Variants in SPECC1 observed in about 807,000 individuals in gnomAD.
The protein encoded by SPECC1 is sperm antigen with calponin homology and coiled-coil domains 1.
A neutral mutation model predicts 104.1 loss-of-function variants in SPECC1; 62 were observed. The observed-to-expected ratio is 0.60, with a 90% CI of 0.49 to 0.74. The LOEUF (loss-of-function observed/expected upper bound fraction) is 0.74, where lower values mean the gene tolerates loss of function less well. Among genes scored for constraint, SPECC1 ranks in the 30% least tolerant of loss-of-function variants. The probability of loss-of-function intolerance (pLI) is 0.00; values close to 1 mark genes in which losing one functional copy is unlikely to be tolerated. For missense variants in SPECC1, 1,306 were observed against 1,310.5 expected, an observed-to-expected ratio of 1.00 and a Z score of 0.05; for synonymous variants, 513 against 501.6, an observed-to-expected ratio of 1.02 and a Z score of -0.30.
At chr17:20,191,626 T>G (rs765460250) in intron 3 of SPECC1, among the ~76,000 whole-genome samples, 4 of 152,056 alleles carry the variant, frequency 2.6e-5, no homozygotes, top group Non-Finnish European at 5.9e-5. Context: ...TAGGTATTTC[T>G]CCTAATGCTA....
chr17:20,186,694 T>TAGCTAG (rs1029518685), intron 3 of SPECC1, among the ~76,000 whole-genome samples: 1 of 152,176 alleles, frequency 6.6e-6, no homozygotes, highest in Non-Finnish European at 1.5e-5. Context: ...CTCTCCTGAG[T>TAGCTAG]AGCTAGAGCT....
rs766209720 is a variant in SPECC1 at position 20,110,470 on chromosome 17, G to A, written c.191G>A (p.Ser64Asn). The A allele has an allele frequency of 1.9e-6, 3 of 1,614,030 alleles. No individual in the cohort carries two copies. Among genetic ancestry groups the A allele is most frequent in the Non-Finnish European group, 2.5e-6 (3 of 1,179,980 alleles). Reference protein sequence around the residue: ...SSEDTLNKPGSTAASGVVRLK... With the variant: ...SSEDTLNKPGNTAASGVVRLK... ...GAGGACACGCTCAACAAGCCAGGAAGTACCGCTGCATCGGGGGTGGTTCGC... is the reference window on the plus strand; with the variant it reads ...GAGGACACGCTCAACAAGCCAGGAAATACCGCTGCATCGGGGGTGGTTCGC... Residue 64 changes from serine to asparagine, a missense_variant, in exon 3 of 15, where the codon AGT becomes AAT. Ser to Asn is a conservative substitution (Grantham distance 46). This residue lies in a region of SPECC1 where 1,177 missense variants were observed against 1,139.9 expected (regional missense o/e 1.03). Coordinates refer to ENST00000395527, the MANE Select transcript of SPECC1 (RefSeq NM_001243439.2).
At chr17:20,029,431 C>A (rs999392890) in intron 1 of SPECC1, among the ~76,000 whole-genome samples, 4 of 152,134 alleles carry the variant, frequency 2.6e-5, no homozygotes, top group Admixed American at 6.5e-5. Flanking sequence ...TTAGGATTTT[C>A]TAAAGATCGT....
intron 1 of SPECC1, among the ~76,000 whole-genome samples, chr17:20,068,768 G>A (rs1398864224): frequency 2.0e-4 from 30 of 152,244 alleles, no homozygotes; most frequent in Admixed American, 6.5e-5. Flanking sequence ...CTTTTCACGT[G>A]CTTGTTGGCC....
intron 3 of SPECC1, among the ~76,000 whole-genome samples, chr17:20,130,045 C>T (rs1015822835): frequency 4.6e-5 from 7 of 152,050 alleles, no homozygotes; most frequent in Admixed American, 6.5e-5. Flanking sequence ...TGAGCCACTG[C>T]GCCCAGCTGC....
At chr17:20,162,576 A>G (rs1567891118) in intron 3 of SPECC1, among the ~76,000 whole-genome samples, 1 of 152,238 alleles carries the variant, frequency 6.6e-6, no homozygotes, top group Non-Finnish European at 1.5e-5. Flanking sequence ...AGACACACAT[A>G]GAAAGCACCT....
intron 1 of SPECC1, among the ~76,000 whole-genome samples, chr17:20,047,081 A>G (rs2045568994): frequency 6.6e-6 from 1 of 152,242 alleles, no homozygotes; most frequent in Non-Finnish European, 1.5e-5. Flanking sequence ...TAATGAGCAC[A>G]TTAAGTACAT....
chr17:20,164,188 T>A (rs993133175), intron 3 of SPECC1, among the ~76,000 whole-genome samples: 12 of 150,896 alleles, frequency 8.0e-5, no homozygotes, highest in Non-Finnish European at 1.3e-4. Context: ...TTTTTTTTTT[T>A]AAAGAGACAA....
intron 1 of SPECC1, among the ~76,000 whole-genome samples, chr17:20,027,048 AT>A (rs1266409020): frequency 6.6e-6 from 1 of 152,122 alleles, no homozygotes; most frequent in East Asian, 1.9e-4. Flanking sequence ...GATGGTGAGC[AT>A]TTTTTCATAC....
At chr17:20,012,586 C>A (rs974851336) in intron 1 of SPECC1, among the ~76,000 whole-genome samples, 1 of 151,258 alleles carries the variant, frequency 6.6e-6, no homozygotes, top group African/African-American at 2.4e-5. Context: ...TATGGAATAT[C>A]TTTTTCTAGT....
intron 3 of SPECC1, among the ~76,000 whole-genome samples, chr17:20,115,940 A>T (rs1449096590): frequency 6.6e-6 from 1 of 152,262 alleles, no homozygotes; most frequent in Non-Finnish European, 1.5e-5. Context: ...GAACAAAATG[A>T]TGATTGTAAT....
intron 3 of SPECC1, among the ~76,000 whole-genome samples, chr17:20,194,677 T>C (rs2035910914): frequency 6.6e-6 from 1 of 151,588 alleles, no homozygotes; most frequent in African/African-American, 2.4e-5. Flanking sequence ...AGCTACTTTT[T>C]TGTATTTTAG....
rs75241062 is a variant in SPECC1 at position 20,227,213 on chromosome 17, G to A, written c.1864-200G>A. 1.4e-4 allele frequency among the ~76,000 whole-genome samples: 21 copies of A among 152,314 alleles called. No homozygotes were observed. The East Asian group carries it at 3.5e-3, about 25-fold the overall frequency. ...GCAAGAAACAGCACATGCCAAGGGC[G>A]TCTTTGCTACTATGTCCGTGAGCCT... is the stretch of plus-strand genomic sequence containing the variant. On this transcript the variant is annotated intron_variant, in intron 4 of 14. Transcript: ENST00000395527.
chr17:20,070,925 TTA>T (rs1342255970), intron 1 of SPECC1, among the ~76,000 whole-genome samples: 1 of 152,126 alleles, frequency 6.6e-6, no homozygotes, highest in Non-Finnish European at 1.5e-5. Flanking sequence ...CTCTCCTACC[TTA>T]TTCAGGATAA....
intron 7 of SPECC1, among the ~76,000 whole-genome samples, chr17:20,233,760 G>C (rs1293814497): frequency 3.3e-5 from 5 of 152,230 alleles, no homozygotes; most frequent in Non-Finnish European, 7.3e-5. Flanking sequence ...AGGTTTCACA[G>C]TGTTCCCTAC....
intron 4 of SPECC1, among the ~76,000 whole-genome samples, chr17:20,211,201 G>T (rs536007157): frequency 2.6e-5 from 4 of 152,360 alleles, no homozygotes; most frequent in Non-Finnish European, 4.4e-5. Context: ...TGCTGGAGAG[G>T]TGGGAAGGTT....
chr17:20,051,133 T>TTTCCTTCTTTCTTTCTTTCTTTCC (rs61037968), intron 1 of SPECC1, among the ~76,000 whole-genome samples: 2 of 40,830 alleles, frequency 4.9e-5, no homozygotes, highest in African/African-American at 1.6e-4. Context: ...TCTTTCTTTC[T>TTTCCTTCTTTCTTTCTTTCTTTCC]TTCTTTCCTT....
intron 3 of SPECC1, among the ~76,000 whole-genome samples, chr17:20,121,049 C>T (rs953867732): frequency 3.3e-5 from 5 of 152,046 alleles, no homozygotes; most frequent in African/African-American, 9.7e-5. Flanking sequence ...GGGGCTATGC[C>T]AAAGTTTGCT....
intron 3 of SPECC1, among the ~76,000 whole-genome samples, chr17:20,201,582 C>T (rs764604556): frequency 2.6e-5 from 4 of 152,168 alleles, no homozygotes; most frequent in South Asian, 2.1e-4. Context: ...CTCAGGTTTG[C>T]CTGTTCTGAC....
Sources: allele counts gnomAD v4.1 joint callset (sites outside exome capture counted in the v4.1 genomes callset), GRCh38; gene constraint gnomAD v4.1.1; regional missense constraint gnomAD v4.1.1; transcripts MANE v1.5; gene names NCBI Gene and HGNC (gene_info 2026-07-23, HGNC 2026-07-21).